The following FBXL20 variants were observed in gnomAD, a reference collection of about 807,000 sequenced individuals.
The protein encoded by FBXL20 is F-box/LRR-repeat protein 20.
Under a neutral mutation model 64.0 loss-of-function variants are expected in FBXL20, and 11 were observed. The observed-to-expected ratio is 0.17, with a 90% CI of 0.11 to 0.28. FBXL20 has a LOEUF of 0.28. Ranked by LOEUF, FBXL20 falls within the 10% of genes least tolerant of loss-of-function variation. The pLI is 1.00. For synonymous variants in FBXL20, 184 were observed against 189.0 expected (o/e 0.97, Z 0.22); for missense variants, 303 against 526.2 (o/e 0.58, Z 4.15).
intron 12 of FBXL20, among the ~76,000 whole-genome samples, chr17:39,267,595 CA>C (rs1301095034): frequency 1.1e-4 from 16 of 152,212 alleles, no homozygotes; most frequent in Non-Finnish European, 1.5e-5. Flanking sequence ...CCAAGGGTGG[CA>C]GCCAGGCACT....
At chr17:39,285,366 T>C (rs768214853) in intron 7 of FBXL20, 112 bp downstream of exon 7, 20 of 621,008 alleles carry the variant, frequency 3.2e-5, no homozygotes, top group South Asian at 4.9e-5. Context: ...TTCTGAACTA[T>C]AGAATATATC....
chr17:39,368,350 C>T (rs1443737757), intron 1 of FBXL20, among the ~76,000 whole-genome samples: 1 of 152,070 alleles, frequency 6.6e-6, no homozygotes, highest in Non-Finnish European at 1.5e-5. Flanking sequence ...TATGATCACA[C>T]CACTGCACTC....
intron 14 of FBXL20, among the ~76,000 whole-genome samples, chr17:39,262,011 C>T (rs1402723828): frequency 2.6e-5 from 4 of 151,918 alleles, no homozygotes; most frequent in South Asian, 2.1e-4. Flanking sequence ...TCAAGTGGTC[C>T]GCCCAAGGAT....
At chr17:39,368,210 G>C (rs900245976) in intron 1 of FBXL20, among the ~76,000 whole-genome samples, 1 of 151,912 alleles carries the variant, frequency 6.6e-6, no homozygotes, top group Non-Finnish European at 1.5e-5. Flanking sequence ...GCAACACAGC[G>C]AGAACTTATC....
intron 6 of FBXL20, among the ~76,000 whole-genome samples, chr17:39,291,459 A>C (rs1265839078): frequency 9.4e-6 from 1 of 106,756 alleles, no homozygotes; most frequent in Admixed American, 1.3e-4. Flanking sequence ...TTTGAGATGG[A>C]GTCTCATTCT....
chr17:39,285,749 C>T (rs1350754954), intron 6 of FBXL20, among the ~76,000 whole-genome samples, 176 bp from the exon 7 acceptor site: 2 of 152,086 alleles, frequency 1.3e-5, no homozygotes, highest in Non-Finnish European at 2.9e-5. Context: ...GAGACAGATA[C>T]CATTCACAAA....
Position 39,362,104 on chromosome 17 carries a change from G to A in FBXL20, c.43-18863C>T, listed in dbSNP as rs371865695. ...AGATCGAGACCATCCTGGCTAACAC[G>A]GTGAAACCTCGTCTCTACTAAAAAT... is the stretch of plus-strand genomic sequence containing the variant. On this transcript the variant is annotated intron_variant, in intron 1 of 14. Coordinates refer to ENST00000264658, the MANE Select transcript of FBXL20 (RefSeq NM_032875.3). Among the ~76,000 whole-genome samples, 21 of 151,106 alleles carry A rather than the reference G, an allele frequency of 1.4e-4. No individual in the cohort carries two copies. The South Asian group carries it at 2.1e-3, about 15-fold the overall frequency.
rs148984244 is a variant in FBXL20, at chr17:39,345,207, C to T, written c.43-1966G>A. Among the ~76,000 whole-genome samples the T allele has an allele frequency of 7.9e-3, 1,199 of 152,202 alleles. 15 individuals are homozygous for T. The highest frequency in any genetic ancestry group is 0.028 in the African/African-American group (1,155 of 41,528). Reference sequence around the variant, plus strand: ...TTCTAGACAATGGGATAAAAAAAGACACGATCTCTATCCTTAAGGAGCTCT... The same window carrying T: ...TTCTAGACAATGGGATAAAAAAAGATACGATCTCTATCCTTAAGGAGCTCT... On this transcript the variant is annotated intron_variant, in intron 1 of 14. Transcript: ENST00000264658.
intron 2 of FBXL20, among the ~76,000 whole-genome samples, chr17:39,315,816 TGAGAGAGAGAGACAGAGAGAGA>T (rs1380705621): frequency 1.6e-5 from 1 of 61,350 alleles, no homozygotes; most frequent in African/African-American, 6.2e-5. Flanking sequence ...TGAGAGAGAG[TGAGAGAGAGAGACAGAGAGAGA>T]GAGAGAGAGA....
chr17:39,294,181 G>A lies in FBXL20; in HGVS notation c.398+2946C>T, dbSNP rs550939994. On this transcript the variant is annotated intron_variant, in intron 6 of 14. Transcript: ENST00000264658. ...TAAGACATAGGGTCTCACTATGTTG[G>A]CCAGGCTAGACTCAAACTCCTGGTC... 2.0e-5 allele frequency among the ~76,000 whole-genome samples: 3 copies of A among 151,814 alleles called. No individual in the cohort carries two copies. The South Asian group carries it at 6.3e-4, about 32-fold the overall frequency.
chr17:39,396,531 G>A (rs987261474), intron 1 of FBXL20, among the ~76,000 whole-genome samples: 1 of 151,304 alleles, frequency 6.6e-6, no homozygotes, highest in Admixed American at 6.6e-5. Context: ...AGGAGGCGGA[G>A]GTTGCAGTGA....
At chr17:39,348,124 A>G (rs2047652152) in intron 1 of FBXL20, among the ~76,000 whole-genome samples, 1 of 145,182 alleles carries the variant, frequency 6.9e-6, no homozygotes, top group Non-Finnish European at 1.5e-5. Flanking sequence ...CTCGCAGGGC[A>G]CATGTTCTCA....
intron 1 of FBXL20, among the ~76,000 whole-genome samples, chr17:39,374,438 G>A (rs189659603): frequency 6.7e-4 from 102 of 151,960 alleles, no homozygotes; most frequent in African/African-American, 2.3e-3. Flanking sequence ...CTACCTGGGA[G>A]GCTGAGGCAT....
At chr17:39,352,100 G>A (rs2047693020) in intron 1 of FBXL20, among the ~76,000 whole-genome samples, 1 of 152,104 alleles carries the variant, frequency 6.6e-6, no homozygotes, top group African/African-American at 2.4e-5. Flanking sequence ...ATCTCAGTTT[G>A]ACACATTTGA....
intron 2 of FBXL20, among the ~76,000 whole-genome samples, chr17:39,326,113 C>T (rs995304250): frequency 6.6e-6 from 1 of 152,046 alleles, no homozygotes. Flanking sequence ...AAGCAAGCTC[C>T]CCCTTTGCCT....
At chr17:39,330,212 G>C (rs551788786) in intron 2 of FBXL20, among the ~76,000 whole-genome samples, 1 of 152,180 alleles carries the variant, frequency 6.6e-6, no homozygotes, top group African/African-American at 2.4e-5. Flanking sequence ...CAGGAGAATT[G>C]CTTGAAGCTG....
Position 39,296,315 on chromosome 17 carries a change from C to T in FBXL20, c.398+812G>A, listed in dbSNP as rs561490678. The stretch of plus-strand genomic sequence containing the variant: ...GTGGCTCATGCCTGTAATCCCAGCA[C>T]TTTGGGAGGCCGAAGTGGGCGGATC... On this transcript the variant is annotated intron_variant, in intron 6 of 14. Transcript: ENST00000264658. 9.9e-5 allele frequency among the ~76,000 whole-genome samples: 15 copies of T among 152,130 alleles called. No individual in the cohort carries two copies. In the South Asian group the frequency reaches 2.7e-3, roughly 27 times the overall value.
chr17:39,281,498 T>C (rs757163577), intron 8 of FBXL20, 35 bp from the exon 9 acceptor site: 6 of 1,546,572 alleles, frequency 3.9e-6, no homozygotes, highest in East Asian at 4.5e-5. Flanking sequence ...AAAATGATTA[T>C]TGACATTGTC....
chr17:39,271,738 G>A (rs2046846071), intron 10 of FBXL20, among the ~76,000 whole-genome samples: 1 of 151,918 alleles, frequency 6.6e-6, no homozygotes. Context: ...GAGGGAAGCT[G>A]AGCTGGCAGC....
Sources: gnomAD v4.1 joint callset for allele counts (sites outside exome capture counted in the v4.1 genomes callset) on GRCh38, gnomAD v4.1.1 for gene constraint, MANE v1.5 for transcripts, NCBI Gene and HGNC (gene_info 2026-07-23, HGNC 2026-07-21) for gene names.